The following FCHO2 variants were observed in gnomAD, a reference collection of about 807,000 sequenced individuals.
FCHO2 encodes the protein F-BAR domain only protein 2.
FCHO2 carries 43 observed loss-of-function variants against 114.1 expected under a neutral mutation model. The observed-to-expected ratio is 0.38, with a 90% CI of 0.30 to 0.49. The LOEUF is 0.49. Among genes scored for constraint, FCHO2 ranks in the 20% least tolerant of loss-of-function variants. The pLI is 0.97. For synonymous variants in FCHO2, 293 were observed against 315.2 expected (o/e 0.93, Z 0.75); for missense variants, 807 against 950.4 (o/e 0.85, Z 1.98).
At chr5:73,063,437 A>G (rs985271997) in intron 17 of FCHO2, among the ~76,000 whole-genome samples, 2 of 152,056 alleles carry the variant, frequency 1.3e-5, no homozygotes, top group African/African-American at 4.8e-5. Flanking sequence ...AGAGTTTACA[A>G]TATTATTCTG....
chr5:73,014,466 T>A (rs1726912261), intron 6 of FCHO2, among the ~76,000 whole-genome samples: 1 of 151,780 alleles, frequency 6.6e-6, no homozygotes, highest in Admixed American at 6.6e-5. Context: ...TTTTTTGTAT[T>A]TTGAGTAGAG....
intron 22 of FCHO2, among the ~76,000 whole-genome samples, chr5:73,080,287 T>G (rs1743048834): frequency 6.6e-6 from 1 of 152,220 alleles, no homozygotes; most frequent in Non-Finnish European, 1.5e-5. Flanking sequence ...AAAGTTCGCT[T>G]TATCCAGTAT....
intron 8 of FCHO2, among the ~76,000 whole-genome samples, chr5:73,029,135 G>A (rs6865542): frequency 1.9e-4 from 29 of 152,284 alleles, no homozygotes; most frequent in African/African-American, 7.0e-4. Context: ...TACAATTTAA[G>A]TAGATGTAGT....
At chr5:72,966,522 T>C (rs1752212780) in intron 1 of FCHO2, among the ~76,000 whole-genome samples, 1 of 152,214 alleles carries the variant, frequency 6.6e-6, no homozygotes, top group African/African-American at 2.4e-5. Context: ...GAGGCTGTGG[T>C]TTTATGTTAT....
chr5:73,073,270 T>G (rs1017816497), intron 19 of FCHO2, among the ~76,000 whole-genome samples: 1 of 152,034 alleles, frequency 6.6e-6, no homozygotes, highest in African/African-American at 2.4e-5. Flanking sequence ...AGAGAGATCT[T>G]ACTACATAAA....
chr5:73,065,160 A>G (rs952104219), intron 18 of FCHO2, among the ~76,000 whole-genome samples: 1 of 152,038 alleles, frequency 6.6e-6, no homozygotes, highest in African/African-American at 2.4e-5. Flanking sequence ...AAGTAAAATA[A>G]AAGACTAGGT....
At chr5:73,009,678 A>G (rs903506675) in intron 6 of FCHO2, among the ~76,000 whole-genome samples, 2 of 152,192 alleles carry the variant, frequency 1.3e-5, no homozygotes, top group African/African-American at 4.8e-5. Flanking sequence ...CTGGGACTGC[A>G]GGTGTGCACC....
chr5:72,983,257 G>T (rs1753323169), intron 2 of FCHO2, among the ~76,000 whole-genome samples: 1 of 152,124 alleles, frequency 6.6e-6, no homozygotes. Context: ...TGCAGAATGT[G>T]CAGGTTTGTT....
intron 1 of FCHO2, among the ~76,000 whole-genome samples, chr5:72,957,178 CGT>C (rs912017694): frequency 1.9e-4 from 29 of 152,256 alleles, no homozygotes; most frequent in Admixed American, 9.8e-4. Context: ...CCACAAAGAA[CGT>C]ATATACTAGA....
chr5:72,968,457 A>T, intron 1 of FCHO2, 41 bp from the exon 2 acceptor site: 1 of 1,348,788 alleles, frequency 7.4e-7, no homozygotes, highest in Non-Finnish European at 9.9e-7. Flanking sequence ...AGTCATTTTT[A>T]TCTGTTTTTT....
chr5:73,041,327 TAACTTTGATATA>T lies in FCHO2; in HGVS notation c.939+16_939+27del. 1 of 1,449,006 alleles carries T rather than the reference TAACTTTGATATA, an allele frequency of 6.9e-7. No individual in the cohort carries two copies. The highest frequency in any genetic ancestry group is 2.3e-5 in the East Asian group (1 of 43,108). The allele number at this position is 1,449,006 out of a possible 1,614,324, so 89.8% of individuals were successfully genotyped here. ...ATGCAGATTCATTGGTAAGTAGATT[TAACTTTGATATA>T]AACAATTTAAATTAGTTATTTTCAT... On this transcript the variant is annotated intron_variant, in intron 11 of 25. Coordinates refer to ENST00000430046, the MANE Select transcript of FCHO2 (RefSeq NM_138782.3).
intron 2 of FCHO2, among the ~76,000 whole-genome samples, chr5:72,979,431 G>A (rs1255740062): frequency 3.2e-4 from 34 of 106,450 alleles, no homozygotes; most frequent in African/African-American, 1.2e-3. Flanking sequence ...TCGCTCTGTC[G>A]CCCAGGCTGG....
chr5:73,076,769 G>T (rs1206173901), intron 20 of FCHO2, among the ~76,000 whole-genome samples: 1 of 152,172 alleles, frequency 6.6e-6, no homozygotes, highest in Non-Finnish European at 1.5e-5. Context: ...AAGGACTATT[G>T]CAGGTTAGAG....
intron 20 of FCHO2, among the ~76,000 whole-genome samples, chr5:73,075,275 C>G (rs886278914): frequency 2.0e-5 from 3 of 152,090 alleles, no homozygotes; most frequent in Admixed American, 6.6e-5. Context: ...ATAGAATGAT[C>G]AGGGTAAACT....
At chr5:73,007,372 A>G (rs1258029496) in intron 6 of FCHO2, among the ~76,000 whole-genome samples, 1 of 152,240 alleles carries the variant, frequency 6.6e-6, no homozygotes, top group Non-Finnish European at 1.5e-5. Flanking sequence ...AGTGAAGCAC[A>G]TGAGTTCTTT....
intron 10 of FCHO2, chr5:73,037,643 C>G: frequency 3.6e-6 from 1 of 277,234 alleles, no homozygotes; most frequent in Non-Finnish European, 7.1e-6. Context: ...GATACCTATA[C>G]ATACATTGAT....
chr5:72,960,060 C>T (rs1304551552), intron 1 of FCHO2, among the ~76,000 whole-genome samples: 2 of 152,176 alleles, frequency 1.3e-5, no homozygotes, highest in African/African-American at 2.4e-5. Context: ...GATTAAAAGG[C>T]TGAGCCACTG....
intron 2 of FCHO2, among the ~76,000 whole-genome samples, chr5:72,977,040 G>A (rs1258565235): frequency 6.6e-6 from 1 of 152,126 alleles, no homozygotes; most frequent in African/African-American, 2.4e-5. Flanking sequence ...GTGCATTTGG[G>A]TTGGTTCCAA....
intron 8 of FCHO2, among the ~76,000 whole-genome samples, chr5:73,021,989 A>T (rs974695955): frequency 1.3e-5 from 2 of 152,160 alleles, no homozygotes; most frequent in Non-Finnish European, 2.9e-5. Flanking sequence ...CAGATGAGGG[A>T]AATGTTCAGA....
Sources: allele counts gnomAD v4.1 joint callset (sites outside exome capture counted in the v4.1 genomes callset), GRCh38; gene constraint gnomAD v4.1.1; transcripts MANE v1.5; gene names NCBI Gene and HGNC (gene_info 2026-07-23, HGNC 2026-07-21).